The following HPCAL1 variants were observed in gnomAD, a reference collection of about 807,000 sequenced individuals.
The protein encoded by HPCAL1 is hippocalcin-like protein 1.
In HPCAL1, 8 loss-of-function variants were observed where a neutral mutation model predicts 17.1. That is an observed-to-expected ratio of 0.47 (90% confidence interval 0.27 to 0.84). The LOEUF (loss-of-function observed/expected upper bound fraction) is 0.84. HPCAL1 is among the 40% of genes least tolerant of loss of function. The pLI, the probability that HPCAL1 is intolerant of heterozygous loss-of-function variation, is 0.13. For missense variants in HPCAL1, 165 were observed against 271.1 expected (o/e 0.61, Z 2.75); for synonymous variants, 112 against 111.4 (o/e 1.01, Z -0.03).
chr2:10,420,166 G>T (rs554547181), intron 3 of HPCAL1, 31 bp downstream of exon 3: 6 of 1,575,810 alleles, frequency 3.8e-6, no homozygotes, highest in African/African-American at 1.4e-5. Context: ...GGGTCTCACC[G>T]CGGGCCCAGG....
chr2:10,381,023 G>T (rs1407861392), intron 1 of HPCAL1, among the ~76,000 whole-genome samples: 1 of 152,210 alleles, frequency 6.6e-6, no homozygotes, highest in African/African-American at 2.4e-5. Context: ...TGTGGGAACC[G>T]CTGGGGATCT....
intron 2 of HPCAL1, among the ~76,000 whole-genome samples, chr2:10,417,117 C>T (rs1670721767): frequency 6.6e-6 from 1 of 152,124 alleles, no homozygotes; most frequent in Non-Finnish European, 1.5e-5. Flanking sequence ...AATCCCAGCA[C>T]ATTGGGAGGC....
intron 2 of HPCAL1, among the ~76,000 whole-genome samples, chr2:10,407,097 C>T (rs571582045): frequency 1.3e-5 from 2 of 152,264 alleles, no homozygotes; most frequent in Admixed American, 1.3e-4. Context: ...TGTCCCCCAC[C>T]CCACTGGCTG....
At chr2:10,408,064 G>A (rs1484650720) in intron 2 of HPCAL1, among the ~76,000 whole-genome samples, 1 of 152,230 alleles carries the variant, frequency 6.6e-6, no homozygotes, top group Non-Finnish European at 1.5e-5. Context: ...GGCACAAGGT[G>A]TGCAGGGACA....
chr2:10,388,806 C>G (rs1229328154), intron 1 of HPCAL1, among the ~76,000 whole-genome samples: 1 of 152,232 alleles, frequency 6.6e-6, no homozygotes, highest in Non-Finnish European at 1.5e-5. Flanking sequence ...CAGGTCGCTG[C>G]AGCATCTTGG....
intron 1 of HPCAL1, among the ~76,000 whole-genome samples, chr2:10,334,628 T>C (rs1377443053): frequency 1.3e-5 from 2 of 152,232 alleles, no homozygotes; most frequent in African/African-American, 2.4e-5. Context: ...TCCATGTTGA[T>C]ACATAGATGT....
chr2:10,321,464 A>T (rs1009761037), intron 1 of HPCAL1, among the ~76,000 whole-genome samples: 2 of 152,008 alleles, frequency 1.3e-5, no homozygotes, highest in Admixed American at 6.5e-5. Flanking sequence ...TTTTAATAAG[A>T]TATAATTTAC....
chr2:10,385,509 G>T (rs945073529), intron 1 of HPCAL1, among the ~76,000 whole-genome samples: 1 of 152,172 alleles, frequency 6.6e-6, no homozygotes, highest in Non-Finnish European at 1.5e-5. Context: ...CTCGGAGGCC[G>T]GGCTGGGCTG....
At position 10,319,299 on chromosome 2, in the gene HPCAL1, T is replaced by C. The variant is rs367664668; in HGVS notation, c.-111+16122T>C. 5.6e-4 allele frequency among the ~76,000 whole-genome samples: 85 copies of C among 152,322 alleles called. No individual in the cohort carries two copies. In the Middle Eastern group the frequency reaches 0.01, roughly 18 times the overall value. On this transcript the variant is annotated intron_variant, in intron 1 of 4. Transcript: ENST00000307845. ...AAGATGTCAGCCCATAGGAGAGGCC[T>C]GGAGGCTTGCAGGGGAAATGGGACG...
chr2:10,369,928 C>T (rs889406749), intron 1 of HPCAL1, among the ~76,000 whole-genome samples: 1 of 152,210 alleles, frequency 6.6e-6, no homozygotes, highest in East Asian at 1.9e-4. Context: ...TGCTTCTTAA[C>T]GTTTTGGAAA....
intron 4 of HPCAL1, 96 bp downstream of exon 4, chr2:10,423,184 C>G: frequency 1.1e-5 from 10 of 904,252 alleles, no homozygotes; most frequent in Non-Finnish European, 1.8e-5. Context: ...GCTTCTTGGT[C>G]TCCTGAGGGC....
At chr2:10,386,409 G>A (rs544414397) in intron 1 of HPCAL1, among the ~76,000 whole-genome samples, 2 of 152,160 alleles carry the variant, frequency 1.3e-5, no homozygotes, top group East Asian at 3.9e-4. Flanking sequence ...GCACTGAGTG[G>A]GTCTGTGGAA....
chr2:10,332,370 T>C (rs2125423255), intron 1 of HPCAL1, among the ~76,000 whole-genome samples: 1 of 152,308 alleles, frequency 6.6e-6, no homozygotes, highest in East Asian at 1.9e-4. Flanking sequence ...AGGTTTCCAT[T>C]TTCTCTAGAA....
At position 10,323,691 on chromosome 2, in the gene HPCAL1, C is replaced by T. The variant is rs766664270; in HGVS notation, c.-111+20514C>T. On this transcript the variant is annotated intron_variant, in intron 1 of 4. Transcript: ENST00000307845. The surrounding 1 kb of genome is among the most constrained non-coding windows in gnomAD (Gnocchi z 4.6). ...ACCAGCACTGTCCTACTGCTTTATACGCATGACCTCAGGTAATGAGAATTA... is the reference window on the plus strand; with the variant it reads ...ACCAGCACTGTCCTACTGCTTTATATGCATGACCTCAGGTAATGAGAATTA... Among the ~76,000 whole-genome samples, 51 of 152,356 alleles carry T rather than the reference C, an allele frequency of 3.3e-4. No homozygotes were observed. Among genetic ancestry groups the T allele is most frequent in the African/African-American group, 8.2e-4 (34 of 41,584 alleles).
intron 1 of HPCAL1, among the ~76,000 whole-genome samples, chr2:10,356,646 A>C (rs1159804621): frequency 6.6e-6 from 1 of 152,168 alleles, no homozygotes; most frequent in Non-Finnish European, 1.5e-5. Context: ...CGTGCCCCAC[A>C]CACCACACCA....
At chr2:10,336,860 T>G (rs1018166580) in intron 1 of HPCAL1, among the ~76,000 whole-genome samples, 5 of 152,188 alleles carry the variant, frequency 3.3e-5, no homozygotes, top group African/African-American at 9.7e-5. Flanking sequence ...TCCTCCTGCC[T>G]CAGCTTCCCA....
intron 1 of HPCAL1, among the ~76,000 whole-genome samples, chr2:10,320,100 G>A (rs1051956120): frequency 6.6e-6 from 1 of 152,064 alleles, no homozygotes; most frequent in Non-Finnish European, 1.5e-5. Flanking sequence ...AGCCTCCTGG[G>A]CTAGCTCAGG....
At chr2:10,416,030 G>A (rs561606096) in intron 2 of HPCAL1, among the ~76,000 whole-genome samples, 13 of 152,300 alleles carry the variant, frequency 8.5e-5, no homozygotes, top group South Asian at 4.1e-4. Flanking sequence ...TCCTTCTGCC[G>A]TCCATCTGTG....
At position 10,330,866 on chromosome 2, in the gene HPCAL1, T is replaced by G. The variant is rs114483496; in HGVS notation, c.-111+27689T>G. Among the ~76,000 whole-genome samples, 4,801 of 152,296 alleles carry G rather than the reference T, an allele frequency of 0.032. 116 individuals carry two copies. Among genetic ancestry groups the G allele is most frequent in the South Asian group, 0.13 (634 of 4,822 alleles). On this transcript the variant is annotated intron_variant, in intron 1 of 4. Coordinates refer to ENST00000307845, the MANE Select transcript of HPCAL1 (RefSeq NM_002149.4). This position sits in a 1 kb window ranked among gnomAD's most constrained non-coding sequence, Gnocchi z 4.2. ...CGGACCCCGATCATCTTTGTGAGAA[T>G]GCAGGTTCCCAGGCCCACACCGTGC... is the stretch of plus-strand genomic sequence containing the variant.
Sources: allele counts gnomAD v4.1 joint callset (sites outside exome capture counted in the v4.1 genomes callset), GRCh38; gene constraint gnomAD v4.1.1; non-coding constraint Gnocchi (gnomAD v3.1); transcripts MANE v1.5; gene names NCBI Gene and HGNC (gene_info 2026-07-23, HGNC 2026-07-21).